CNOT8: variants seen among roughly 807,000 people sequenced by gnomAD.
CNOT8 encodes CCR4-NOT transcription complex subunit 8, also known as CAF1-like protein.
A neutral mutation model predicts 34.6 loss-of-function variants in CNOT8; 18 were observed. That is an observed-to-expected ratio of 0.52 (90% CI 0.36 to 0.77). The LOEUF (loss-of-function observed/expected upper bound fraction) is 0.77. Among genes scored for constraint, CNOT8 ranks in the 30% least tolerant of loss-of-function variants. The pLI, the probability that CNOT8 is intolerant of heterozygous loss-of-function variation, is 0.00. For synonymous variants in CNOT8, 101 were observed against 118.8 expected (o/e 0.85, Z 0.98); for missense variants, 189 against 347.9 (o/e 0.54, Z 3.63).
In CNOT8 at chr5:154,868,853, C is replaced by T. The variant is rs375668270; in HGVS notation, c.312-1808C>T. On this transcript the variant is annotated intron_variant, in intron 3 of 6. Transcript: ENST00000285896. ...GGGCTGTGGCTTCCTTGGCCTGGAC[C>T]ACTTCCTCCCTCTGCAGGTGGTACT... Among the ~76,000 whole-genome samples the T allele has an allele frequency of 1.1e-4, 17 of 152,254 alleles. No individual in the cohort carries two copies. The East Asian group carries it at 1.2e-3, about 10-fold the overall frequency.
chr5:154,864,434 G>C (rs1017679691), intron 2 of CNOT8, among the ~76,000 whole-genome samples: 4 of 151,888 alleles, frequency 2.6e-5, no homozygotes, highest in African/African-American at 9.7e-5. Flanking sequence ...CTCCAGCTTG[G>C]GGGACAGAGC....
chr5:154,862,157 A>C (rs1761409312), intron 1 of CNOT8, among the ~76,000 whole-genome samples: 1 of 152,188 alleles, frequency 6.6e-6, no homozygotes, highest in South Asian at 2.1e-4. Context: ...TTTCTGGTTG[A>C]ATGATTTACA....
chr5:154,868,263 C>CTTTTTTTTTTTTTTTTT lies in CNOT8; in HGVS notation c.312-2394_312-2393insTTTTTTTTTTTTTTTTT, dbSNP rs200482243. On this transcript the variant is annotated intron_variant, in intron 3 of 6. Coordinates refer to ENST00000285896, the MANE Select transcript of CNOT8 (RefSeq NM_001301073.2). ...ATTTACTGCCTTTTCTTTTTCTTTT[C>CTTTTTTTTTTTTTTTTT]TTTTCTTTTTTTTTTTTTTTTTTGA... is the stretch of plus-strand genomic sequence containing the variant. Among the ~76,000 whole-genome samples, 7 of 127,256 alleles carry CTTTTTTTTTTTTTTTTT rather than the reference C, an allele frequency of 5.5e-5. 1 individual carries two copies. The highest frequency in any genetic ancestry group is 6.4e-5 in the Non-Finnish European group (4 of 62,276). 83.5% of individuals were successfully genotyped at this position (127,256 alleles called of 152,430 possible). A position where few individuals can be genotyped will look rare whatever the true frequency, so the allele number is the denominator to read the frequency against.
chr5:154,868,514 C>T (rs1174737766), intron 3 of CNOT8, among the ~76,000 whole-genome samples: 1 of 152,014 alleles, frequency 6.6e-6, no homozygotes, highest in African/African-American at 2.4e-5. Flanking sequence ...TCCACCCACT[C>T]TGGTCTCCCA....
intron 6 of CNOT8, 128 bp from the exon 7 acceptor site, chr5:154,875,162 C>G: frequency 1.0e-6 from 1 of 994,752 alleles, no homozygotes; most frequent in Non-Finnish European, 1.5e-6. Context: ...AGTGATCTGC[C>G]CGCCTCAGCC....
chr5:154,862,068 A>G (rs1761400524), intron 1 of CNOT8, among the ~76,000 whole-genome samples: 1 of 152,092 alleles, frequency 6.6e-6, no homozygotes, highest in Non-Finnish European at 1.5e-5. Context: ...CAGAGACCCA[A>G]TCATGTTGAA....
In CNOT8 at chr5:154,876,433, T is replaced by C. The variant is rs1172169763; in HGVS notation, c.*994T>C. ...TCTTTAAAAAGCTAGAGTGGTTACA[T>C]TTAATCAGGCAGTAAGATAATTTGG... is the stretch of plus-strand genomic sequence containing the variant. On this transcript the variant is annotated 3_prime_UTR_variant, in exon 7 of 7. Transcript: ENST00000285896. 1 of 152,246 alleles carries C rather than the reference T, an allele frequency of 6.6e-6. No homozygotes were observed. Among genetic ancestry groups the C allele is most frequent in the Non-Finnish European group, 1.5e-5 (1 of 68,034 alleles). The allele number at this position is 152,246 out of a possible 1,614,324, so 9.4% of individuals were successfully genotyped here. A position where few individuals can be genotyped will look rare whatever the true frequency, so the allele number is the denominator to read the frequency against.
chr5:154,871,356 C>G (rs1392033437), intron 4 of CNOT8, among the ~76,000 whole-genome samples: 1 of 151,828 alleles, frequency 6.6e-6, no homozygotes, highest in African/African-American at 2.4e-5. Flanking sequence ...GTCAGGAGTT[C>G]GAGACCAGCC....
chr5:154,875,204 A>G (rs1762834979), intron 6 of CNOT8, 86 bp from the exon 7 acceptor site: 1 of 1,465,064 alleles, frequency 6.8e-7, no homozygotes, highest in Non-Finnish European at 9.3e-7. Context: ...GACGTGAGCC[A>G]TTGCACCCGG....
At chr5:154,866,671 G>A (rs1761908530) in intron 3 of CNOT8, among the ~76,000 whole-genome samples, 1 of 152,150 alleles carries the variant, frequency 6.6e-6, no homozygotes, top group South Asian at 2.1e-4. Context: ...CTGGGAGGCC[G>A]AGGTGGGTGG....
chr5:154,874,702 T>G (rs1762787479), intron 6 of CNOT8, among the ~76,000 whole-genome samples: 1 of 149,496 alleles, frequency 6.7e-6, no homozygotes, highest in Non-Finnish European at 1.5e-5. Flanking sequence ...CCTGGCTAAT[T>G]TTTTGTATTT....
chr5:154,863,967 G>C (rs767696251), intron 2 of CNOT8, among the ~76,000 whole-genome samples: 1 of 152,056 alleles, frequency 6.6e-6, no homozygotes, highest in South Asian at 2.1e-4. Context: ...AAAATAGGAA[G>C]ATCTGGCAAT....
chr5:154,875,692 T>G lies in CNOT8; in HGVS notation c.*253T>G, dbSNP rs1043911888. ...CTCGAGCCTCTCCTCTCTGGTTGCC[T>G]CCTGCCACCAGCATCCATGGCTCAT... On this transcript the variant is annotated 3_prime_UTR_variant, in exon 7 of 7. Transcript: ENST00000285896. 1.3e-4 allele frequency: 51 copies of G among 384,598 alleles called. No homozygotes were observed. Among genetic ancestry groups the G allele is most frequent in the Admixed American group, 8.7e-4 (21 of 24,082 alleles). 23.8% of individuals were successfully genotyped at this position (384,598 alleles called of 1,614,324 possible). A position where few individuals can be genotyped will look rare whatever the true frequency, so the allele number is the denominator to read the frequency against.
At chr5:154,859,902 C>G (rs1026714340) in intron 1 of CNOT8, 2 of 152,232 alleles carry the variant, frequency 1.3e-5, no homozygotes, top group African/African-American at 2.4e-5. Flanking sequence ...ACCTTTCCTT[C>G]TTGCACAGTT....
intron 1 of CNOT8, among the ~76,000 whole-genome samples, 156 bp from the exon 2 acceptor site, chr5:154,863,049 GTT>G (rs1761504408): frequency 1.3e-5 from 2 of 152,166 alleles, no homozygotes; most frequent in African/African-American, 4.8e-5. Flanking sequence ...GTGTGTGTGT[GTT>G]GACAAAGTTT....
intron 1 of CNOT8, among the ~76,000 whole-genome samples, chr5:154,862,441 G>T (rs1761440488): frequency 6.6e-6 from 1 of 151,902 alleles, no homozygotes; most frequent in Admixed American, 6.6e-5. Context: ...CTGCACTCTA[G>T]CCTGGGCGAC....
At chr5:154,860,623 T>G (rs1561674616) in intron 1 of CNOT8, among the ~76,000 whole-genome samples, 1 of 152,164 alleles carries the variant, frequency 6.6e-6, no homozygotes, top group East Asian at 1.9e-4. Flanking sequence ...GTATTTAAGT[T>G]GCTATTTTAT....
At chr5:154,871,674 A>G (rs1315080681) in intron 4 of CNOT8, 56 bp from the exon 5 acceptor site, 1 of 1,561,602 alleles carries the variant, frequency 6.4e-7, no homozygotes, top group African/African-American at 1.4e-5. Flanking sequence ...AAATGGTTGA[A>G]CACTGGGGCC....
At chr5:154,864,153 A>G (rs750660077) in intron 2 of CNOT8, among the ~76,000 whole-genome samples, 39 of 151,828 alleles carry the variant, frequency 2.6e-4, no homozygotes, top group Admixed American at 5.9e-4. Context: ...GGAGTTTGTG[A>G]CTCCTGCTTT....
Sources: allele counts gnomAD v4.1 joint callset (sites outside exome capture counted in the v4.1 genomes callset), GRCh38; gene constraint gnomAD v4.1.1; transcripts MANE v1.5; gene names NCBI Gene and HGNC (gene_info 2026-07-23, HGNC 2026-07-21).